PNKD: variants seen among roughly 807,000 people sequenced by gnomAD.
PNKD encodes the protein PNKD metallo-beta-lactamase domain containing.
PNKD carries 36 observed loss-of-function variants against 45.3 expected under a neutral mutation model. The ratio of observed to expected loss-of-function variants is 0.80; its 90% CI spans 0.61 to 1.05. PNKD has a LOEUF of 1.05. Ranked by LOEUF, PNKD falls within the 50% of genes least tolerant of loss-of-function variation. PNKD has a pLI of 0.00. For missense variants in PNKD, 511 were observed against 506.6 expected (o/e 1.01, Z -0.08); for synonymous variants, 197 against 210.1 (o/e 0.94, Z 0.54).
chr2:218,327,034 G>C (rs1694174208), intron 2 of PNKD: 1 of 152,804 alleles, frequency 6.5e-6, no homozygotes, highest in Non-Finnish European at 1.5e-5. Flanking sequence ...GTAGTGGTGG[G>C]GGTTTTGCAG....
At chr2:218,301,924 C>A (rs76189264) in intron 2 of PNKD, among the ~76,000 whole-genome samples, 1 of 152,176 alleles carries the variant, frequency 6.6e-6, no homozygotes, top group Non-Finnish European at 1.5e-5. Flanking sequence ...TAAAATACAG[C>A]CCCCGCTTTC....
intron 2 of PNKD, among the ~76,000 whole-genome samples, chr2:218,307,759 T>C (rs1488685644): frequency 6.6e-6 from 1 of 151,996 alleles, no homozygotes; most frequent in Non-Finnish European, 1.5e-5. Context: ...TGGTAGCCTG[T>C]AAGTGGTGAA....
At chr2:218,272,607 C>G (rs1312329180) in intron 2 of PNKD, 2 of 1,614,154 alleles carry the variant, frequency 1.2e-6, no homozygotes, top group Non-Finnish European at 1.7e-6. Context: ...CCTCTTCATC[C>G]TCACCAAGCG....
At chr2:218,292,311 TC>T (rs1692985173) in intron 2 of PNKD, among the ~76,000 whole-genome samples, 1 of 151,730 alleles carries the variant, frequency 6.6e-6, no homozygotes, top group Non-Finnish European at 1.5e-5. Context: ...GGAGGGGAGA[TC>T]CCCATCTGGA....
intron 2 of PNKD, among the ~76,000 whole-genome samples, chr2:218,293,278 A>G (rs1026894843): frequency 6.6e-6 from 1 of 152,168 alleles, no homozygotes; most frequent in Non-Finnish European, 1.5e-5. Flanking sequence ...AGTTTTGAGG[A>G]AGTTCTGAAA....
chr2:218,323,375 G>A, intron 2 of PNKD: 1 of 1,580,742 alleles, frequency 6.3e-7, no homozygotes, highest in Non-Finnish European at 8.6e-7. Context: ...GCCGAGCGCG[G>A]CGGGGCCTCC....
At chr2:218,295,217 T>G (rs1230669889) in intron 2 of PNKD, among the ~76,000 whole-genome samples, 1 of 152,244 alleles carries the variant, frequency 6.6e-6, no homozygotes, top group Non-Finnish European at 1.5e-5. Flanking sequence ...TTTTTTCTCT[T>G]GGGCCTTATC....
intron 2 of PNKD, among the ~76,000 whole-genome samples, chr2:218,325,413 G>A (rs1430976519): frequency 6.6e-6 from 1 of 150,800 alleles, no homozygotes; most frequent in Non-Finnish European, 1.5e-5. Context: ...TCATCATGTT[G>A]GTCAGGCTGG....
At chr2:218,338,031 C>T (rs552745758) in intron 2 of PNKD, among the ~76,000 whole-genome samples, 6 of 152,232 alleles carry the variant, frequency 3.9e-5, no homozygotes, top group African/African-American at 1.4e-4. Flanking sequence ...CCTCTAGTCC[C>T]AGCTACTCAG....
rs1694156354 is a variant in PNKD, at chr2:218,326,390, G to A, written c.237-13393G>A. Among the ~76,000 whole-genome samples, 1 of 152,208 alleles carries A rather than the reference G, an allele frequency of 6.6e-6. No homozygotes were observed. The highest frequency in any genetic ancestry group is 1.5e-5 in the Non-Finnish European group (1 of 68,038). Reference sequence around the variant, plus strand: ...GGCTCTGTGGGGCCTGGGAGACAGTGTGGATTGTAGCAAAGCACACAGCAT... The same window carrying A: ...GGCTCTGTGGGGCCTGGGAGACAGTATGGATTGTAGCAAAGCACACAGCAT... On this transcript the variant is annotated intron_variant, in intron 2 of 9. Coordinates refer to ENST00000273077, the MANE Select transcript of PNKD (RefSeq NM_015488.5). This position sits in a 1 kb window ranked among gnomAD's most constrained non-coding sequence, Gnocchi z 4.1.
At chr2:218,336,806 TTTTTTTTC>T (rs1419367921) in intron 2 of PNKD, among the ~76,000 whole-genome samples, 1 of 144,540 alleles carries the variant, frequency 6.9e-6, no homozygotes, top group Non-Finnish European at 1.5e-5. Context: ...TTTTTTTTTT[TTTTTTTTC>T]AGACAGAGTT....
intron 2 of PNKD, among the ~76,000 whole-genome samples, chr2:218,319,476 A>C (rs13424679): frequency 6.7e-6 from 1 of 149,180 alleles, no homozygotes; most frequent in African/African-American, 2.5e-5. Flanking sequence ...CTTAGGTTCA[A>C]GCAGTTCTCC....
chr2:218,344,504 C>G lies in PNKD; in HGVS notation c.918C>G (p.Pro306=), dbSNP rs780334841. ...ENLGFAGVVE[P]ENLARERKMQ... ...TGGGCTTTGCAGGTGTGGTGGAGCC[C>G]GAGAACCTGGCCCGGGAGAGGAAGA... is the stretch of plus-strand genomic sequence containing the variant. Residue 306 remains proline (P), a synonymous_variant, in exon 9 of 10, where the codon CCC becomes CCG. Transcript: ENST00000273077. 8.8e-6 allele frequency: 14 copies of G among 1,591,926 alleles called. 1 individual carries two copies. Among genetic ancestry groups the G allele is most frequent in the South Asian group, 6.8e-5 (6 of 87,732 alleles).
intron 2 of PNKD, chr2:218,323,318 GCTC>G (rs1462065762): frequency 1.9e-6 from 3 of 1,565,942 alleles, no homozygotes; most frequent in African/African-American, 1.4e-5. Flanking sequence ...CCGGCTGCTG[GCTC>G]CTCCTCGTCC....
rs543190822 is a variant in PNKD, at chr2:218,300,683, T to C, written c.236+29134T>C. The stretch of plus-strand genomic sequence containing the variant: ...GCCTCAGCCTCCCAGGTAGCTGGGA[T>C]TACAGGCATGCCCCACCACGCCCAG... On this transcript the variant is annotated intron_variant, in intron 2 of 9. Coordinates refer to ENST00000273077, the MANE Select transcript of PNKD (RefSeq NM_015488.5). Among the ~76,000 whole-genome samples the C allele has an allele frequency of 1.7e-4, 26 of 152,168 alleles. No homozygotes were observed. The East Asian group carries it at 4.8e-3, about 28-fold the overall frequency.
intron 2 of PNKD, among the ~76,000 whole-genome samples, chr2:218,288,704 T>C (rs946467910): frequency 6.6e-6 from 1 of 152,180 alleles, no homozygotes; most frequent in East Asian, 1.9e-4. Context: ...CCAAAATCCA[T>C]GTGCTTCTGC....
intron 2 of PNKD, chr2:218,282,165 AC>A (rs1574647378): frequency 6.9e-7 from 1 of 1,447,930 alleles, no homozygotes; most frequent in Non-Finnish European, 9.1e-7. Flanking sequence ...CTGAGGGGGA[AC>A]CCCAGCTGCT....
intron 2 of PNKD, among the ~76,000 whole-genome samples, chr2:218,319,567 G>C (rs189334209): frequency 1.1e-4 from 17 of 151,626 alleles, no homozygotes; most frequent in African/African-American, 3.6e-4. Flanking sequence ...GTAGAGACAG[G>C]GTTTCACTGT....
intron 9 of PNKD, 79 bp from the exon 10 acceptor site, chr2:218,344,729 C>T (rs1694779934): frequency 1.4e-6 from 2 of 1,481,322 alleles, no homozygotes; most frequent in Admixed American, 1.7e-5. Flanking sequence ...CAGGATGGGG[C>T]AGGGGTCGGG....
Sources: allele counts gnomAD v4.1 joint callset (sites outside exome capture counted in the v4.1 genomes callset), GRCh38; gene constraint gnomAD v4.1.1; non-coding constraint Gnocchi (gnomAD v3.1); transcripts MANE v1.5; gene names NCBI Gene and HGNC (gene_info 2026-07-23, HGNC 2026-07-21).